CR2: variants seen among roughly 807,000 people sequenced by gnomAD.
The protein encoded by CR2 is complement C3d receptor 2, also known as complement receptor type 2.
In CR2, 96 loss-of-function variants were observed where a neutral mutation model predicts 123.0. The observed-to-expected ratio is 0.78, with a 90% CI of 0.66 to 0.93. The LOEUF (loss-of-function observed/expected upper bound fraction) is 0.93, where lower values mean the gene tolerates loss of function less well. CR2 is among the 40% of genes least tolerant of loss of function. The pLI is 0.00. For synonymous variants in CR2, 484 were observed against 469.5 expected (o/e 1.03, Z -0.40); for missense variants, 1,258 against 1,361.0 (o/e 0.92, Z 1.19).
chr1:207,462,863 G>T (rs3767934), intron 1 of CR2, among the ~76,000 whole-genome samples: 23,977 of 152,168 alleles, frequency 0.16, 2,010 homozygotes, highest in Middle Eastern at 0.25. Flanking sequence ...TATAAAAATG[G>T]AAAATGAAGA....
Position 207,485,447 on chromosome 1 carries a change from T to A in CR2, c.3189-17T>A. The stretch of plus-strand genomic sequence containing the variant: ...AATGAGTAAAGATATTACATTTTTC[T>A]TTCTTCTTCTGTTTAGCAATTATTA... On this transcript the variant is annotated splice_polypyrimidine_tract_variant and intron_variant, in intron 18 of 19. Coordinates refer to ENST00000367057, the MANE Select transcript of CR2 (RefSeq NM_001006658.3). The A allele has an allele frequency of 6.6e-7, 1 of 1,510,448 alleles. No homozygotes were observed. Among genetic ancestry groups the A allele is most frequent in the East Asian group, 2.3e-5 (1 of 44,296 alleles). 93.6% of individuals were successfully genotyped at this position (1,510,448 alleles called of 1,614,324 possible). A position where few individuals can be genotyped will look rare whatever the true frequency, so the allele number is the denominator to read the frequency against.
Position 207,474,938 on chromosome 1 carries a change from T to A in CR2, c.2438T>A (p.Leu813His). Residue 813 changes from leucine to histidine, a missense_variant, in exon 14 of 20, where the codon CTC becomes CAC. Leu to His is a moderately conservative substitution (Grantham distance 99). Coordinates refer to ENST00000367057, the MANE Select transcript of CR2 (RefSeq NM_001006658.3). Reference protein sequence around the residue: ...VSYECDQGFYLLGEKKLQCRS... With the variant: ...VSYECDQGFYHLGEKKLQCRS... The stretch of plus-strand genomic sequence containing the variant: ...TATGAATGTGACCAAGGATTCTATC[T>A]CCTGGGAGAGAAAAAATTGCAGTGC... 2 of 1,614,094 alleles carry A rather than the reference T, an allele frequency of 1.2e-6. No homozygotes were observed. The highest frequency in any genetic ancestry group is 2.2e-5 in the South Asian group (2 of 91,078).
At chr1:207,455,525 T>C (rs1202546315) in intron 1 of CR2, among the ~76,000 whole-genome samples, 1 of 152,230 alleles carries the variant, frequency 6.6e-6, no homozygotes, top group Non-Finnish European at 1.5e-5. Context: ...GGGTGTCCAA[T>C]TGTTTCTATG....
intron 5 of CR2, 78 bp from the exon 6 acceptor site, chr1:207,469,617 G>A: frequency 1.6e-6 from 2 of 1,275,458 alleles, no homozygotes; most frequent in South Asian, 2.4e-5. Flanking sequence ...CTAGGATAGT[G>A]GTATCAAGCA....
chr1:207,482,221 T>C (rs980478328), intron 18 of CR2, among the ~76,000 whole-genome samples: 1 of 152,208 alleles, frequency 6.6e-6, no homozygotes, highest in Non-Finnish European at 1.5e-5. Flanking sequence ...CATATTTTTA[T>C]ATCACTATAA....
chr1:207,460,560 G>C (rs137921694), intron 1 of CR2, among the ~76,000 whole-genome samples: 1 of 152,228 alleles, frequency 6.6e-6, no homozygotes, highest in Non-Finnish European at 1.5e-5. Context: ...CCTTACAACT[G>C]AGTACTTTCT....
intron 4 of CR2, 116 bp from the exon 5 acceptor site, chr1:207,469,034 A>G: frequency 7.4e-7 from 1 of 1,349,832 alleles, no homozygotes; most frequent in Non-Finnish European, 1.1e-6. Context: ...GGTAATGCTG[A>G]TAAAAGGAAC....
Position 207,474,878 on chromosome 1 carries a change from T to C in CR2, c.2378T>C (p.Met793Thr). 6.2e-7 allele frequency: 1 copy of C among 1,614,076 alleles called. No individual in the cohort carries two copies. Among genetic ancestry groups the C allele is most frequent in the East Asian group, 2.2e-5 (1 of 44,874 alleles). ...GTCAATGGGAAGCACACAGGCATGATGGCAGAAAACTTTCTATATGGAAAT... is the reference window on the plus strand; with the variant it reads ...GTCAATGGGAAGCACACAGGCATGACGGCAGAAAACTTTCTATATGGAAAT... ...VIVNGKHTGM[M>T]AENFLYGNEV... The change falls in exon 14 of 20, where the codon ATG becomes ACG. Residue 793 changes from methionine (M) to threonine (T), a missense_variant. Coordinates refer to ENST00000367057, the MANE Select transcript of CR2 (RefSeq NM_001006658.3).
In CR2 at chr1:207,469,893, C is replaced by A. The variant is rs1187822468; in HGVS notation, c.1016C>A (p.Ala339Asp). Reference sequence around the variant, plus strand: ...AAGACTGGGACCTGGAGTGGCCCTGCCCCACGCTGTGAACTTTCTACTTCT... The same window carrying A: ...AAGACTGGGACCTGGAGTGGCCCTGACCCACGCTGTGAACTTTCTACTTCT... ...SQKTGTWSGP[A>D]PRCELSTSAV... The change falls in exon 6 of 20, where the codon GCC (alanine) becomes GAC (aspartate). Residue 339 changes from alanine (A) to aspartate (D), a missense_variant. Ala to Asp is a moderately radical substitution (Grantham distance 126). Transcript: ENST00000367057. 6.2e-7 allele frequency: 1 copy of A among 1,613,932 alleles called. No homozygotes were observed. Among genetic ancestry groups the A allele is most frequent in the South Asian group, 1.1e-5 (1 of 91,066 alleles).
chr1:207,474,402 C>A, intron 13 of CR2, 79 bp downstream of exon 13: 1 of 1,061,154 alleles, frequency 9.4e-7, no homozygotes, highest in Non-Finnish European at 1.5e-6. Context: ...TAGTCTACTG[C>A]TGCTTCAGCA....
chr1:207,482,250 A>T (rs1273108152), intron 18 of CR2, among the ~76,000 whole-genome samples: 2 of 152,182 alleles, frequency 1.3e-5, no homozygotes, highest in African/African-American at 4.8e-5. Flanking sequence ...ATAAATTTTT[A>T]AAATACAAAA....
In CR2 at chr1:207,469,517, T is replaced by C. The variant is rs1425097817; in HGVS notation, c.818-178T>C. ...AATCAAAGGATCAGCAGAGTACATATACTCAGGAATGAAGCTTGAGAATCA... is the reference window on the plus strand; with the variant it reads ...AATCAAAGGATCAGCAGAGTACATACACTCAGGAATGAAGCTTGAGAATCA... On this transcript the variant is annotated intron_variant, in intron 5 of 19. Coordinates refer to ENST00000367057, the MANE Select transcript of CR2 (RefSeq NM_001006658.3). Among the ~76,000 whole-genome samples the C allele has an allele frequency of 2.0e-5, 3 of 152,178 alleles. No homozygotes were observed. In the East Asian group the frequency reaches 5.8e-4, roughly 29 times the overall value.
At chr1:207,455,172 TAAAG>T (rs952850268) in intron 1 of CR2, among the ~76,000 whole-genome samples, 8 of 152,254 alleles carry the variant, frequency 5.3e-5, no homozygotes, top group African/African-American at 1.7e-4. Context: ...GGCTTGATTT[TAAAG>T]AAAGATTATA....
intron 12 of CR2, 79 bp from the exon 13 acceptor site, chr1:207,474,162 T>C (rs928439353): frequency 1.6e-6 from 2 of 1,217,248 alleles, no homozygotes; most frequent in African/African-American, 1.5e-5. Context: ...AGTTCTTATT[T>C]AGAAGTCCCT....
Position 207,472,878 on chromosome 1 carries a change from G to T in CR2, c.1677G>T (p.Gly559=). The change falls in exon 10 of 20, where the codon GGG becomes GGT. Residue 559 remains glycine (G), a synonymous_variant. Transcript: ENST00000367057. ...CGGTCACTTACACATGTAACCCTGGGCCAGAAAGAGGAGTGGAATTCAGCC... is the reference window on the plus strand; with the variant it reads ...CGGTCACTTACACATGTAACCCTGGTCCAGAAAGAGGAGTGGAATTCAGCC... ...GTTVTYTCNP[G]PERGVEFSLI... 6.2e-7 allele frequency: 1 copy of T among 1,614,002 alleles called. No homozygotes were observed. Among genetic ancestry groups the T allele is most frequent in the Non-Finnish European group, 8.5e-7 (1 of 1,179,954 alleles).
intron 19 of CR2, among the ~76,000 whole-genome samples, chr1:207,485,905 G>C (rs1167713337): frequency 6.6e-6 from 1 of 152,138 alleles, no homozygotes; most frequent in Non-Finnish European, 1.5e-5. Flanking sequence ...CTCTTACTAA[G>C]AGAATGTCAT....
chr1:207,473,205 AG>A (rs1430453792), intron 10 of CR2, 26 bp downstream of exon 10: 2 of 1,611,382 alleles, frequency 1.2e-6, no homozygotes, highest in Admixed American at 3.3e-5. Flanking sequence ...GGGGGAAAAA[AG>A]GAGAGATTTA....
intron 19 of CR2, among the ~76,000 whole-genome samples, chr1:207,486,323 C>T (rs2102315888): frequency 6.7e-6 from 1 of 149,302 alleles, no homozygotes; most frequent in East Asian, 2.0e-4. Flanking sequence ...GGCCATAAGG[C>T]AGTGTGTGCC....
chr1:207,471,184 T>G, intron 8 of CR2, 97 bp downstream of exon 8: 1 of 1,246,020 alleles, frequency 8.0e-7, no homozygotes, highest in Non-Finnish European at 1.2e-6. Flanking sequence ...CTGCAAGCTC[T>G]ATGTAAGAGT....
Sources: gnomAD v4.1 joint callset for allele counts (sites outside exome capture counted in the v4.1 genomes callset) on GRCh38, gnomAD v4.1.1 for gene constraint, MANE v1.5 for transcripts, NCBI Gene and HGNC (gene_info 2026-07-23, HGNC 2026-07-21) for gene names.